Variants in NELL1 observed in about 807,000 individuals in gnomAD.
NELL1 encodes protein kinase C-binding protein NELL1.
In NELL1, 76 loss-of-function variants were observed where a neutral mutation model predicts 107.4. That is an observed-to-expected ratio of 0.71 (90% CI 0.59 to 0.86). The LOEUF (loss-of-function observed/expected upper bound fraction) is 0.86, where lower values mean the gene tolerates loss of function less well. Among genes scored for constraint, NELL1 ranks in the 40% least tolerant of loss-of-function variants. The pLI is 0.00. For synonymous variants in NELL1, 353 were observed against 341.2 expected, an observed-to-expected ratio of 1.03 and a Z score of -0.38; for missense variants, 1,024 against 1,005.5, an observed-to-expected ratio of 1.02 and a Z score of -0.25.
intron 15 of NELL1, among the ~76,000 whole-genome samples, chr11:21,414,927 A>G (rs1336595692): frequency 1.3e-5 from 2 of 152,104 alleles, no homozygotes; most frequent in East Asian, 1.9e-4. Context: ...TTTGTTCAAC[A>G]TTAGAATGAG....
intron 15 of NELL1, among the ~76,000 whole-genome samples, chr11:21,486,697 G>T (rs1854643009): frequency 6.6e-6 from 1 of 152,116 alleles, no homozygotes; most frequent in Admixed American, 6.5e-5. Flanking sequence ...TGAGACACAA[G>T]AGAATTCTGA....
intron 15 of NELL1, among the ~76,000 whole-genome samples, chr11:21,518,316 A>C (rs1855625701): frequency 6.6e-6 from 1 of 152,120 alleles, no homozygotes; most frequent in Admixed American, 6.5e-5. Flanking sequence ...TGACAGAAAT[A>C]TGGTGAAGCT....
At chr11:20,989,847 A>T (rs1851933028) in intron 12 of NELL1, among the ~76,000 whole-genome samples, 1 of 152,040 alleles carries the variant, frequency 6.6e-6, no homozygotes, top group Non-Finnish European at 1.5e-5. Context: ...TTAAAAGAAA[A>T]TTAGCTGGGC....
At chr11:21,075,229 T>G (rs1161317781) in intron 12 of NELL1, among the ~76,000 whole-genome samples, 1 of 152,188 alleles carries the variant, frequency 6.6e-6, no homozygotes, top group Non-Finnish European at 1.5e-5. Context: ...TTAGTACCTT[T>G]TAAATCTGCA....
chr11:21,150,333 AG>A (rs1226716375), intron 13 of NELL1, among the ~76,000 whole-genome samples: 3 of 152,302 alleles, frequency 2.0e-5, no homozygotes, highest in Middle Eastern at 6.8e-3. Flanking sequence ...ACAGACTGGC[AG>A]GGGGGCAGAG....
intron 15 of NELL1, among the ~76,000 whole-genome samples, chr11:21,513,447 C>T (rs1855487974): frequency 6.6e-6 from 1 of 151,942 alleles, no homozygotes; most frequent in South Asian, 2.1e-4. Context: ...AATACTTTTG[C>T]CAGACTATAA....
intron 16 of NELL1, among the ~76,000 whole-genome samples, chr11:21,541,042 C>T (rs188454121): frequency 1.7e-4 from 26 of 152,064 alleles, no homozygotes; most frequent in East Asian, 3.9e-4. Context: ...TTCTTAATTA[C>T]GTCTTTATCA....
At chr11:20,783,586 C>G in intron 2 of NELL1, 94 bp from the exon 3 acceptor site, 2 of 795,448 alleles carry the variant, frequency 2.5e-6, no homozygotes, top group Non-Finnish European at 3.8e-6. Context: ...TCCTTCTCAT[C>G]TCCCCTCTCC....
intron 12 of NELL1, among the ~76,000 whole-genome samples, chr11:21,106,628 G>T (rs186137471): frequency 2.3e-4 from 35 of 152,280 alleles, no homozygotes; most frequent in African/African-American, 7.9e-4. Flanking sequence ...AAAAGAAAGA[G>T]AGAGAGAGAG....
chr11:21,504,798 G>A (rs1007194468), intron 15 of NELL1, among the ~76,000 whole-genome samples: 1 of 152,038 alleles, frequency 6.6e-6, no homozygotes, highest in South Asian at 2.1e-4. Context: ...TTTCAGTCTT[G>A]TCTCTTCCCC....
intron 5 of NELL1, among the ~76,000 whole-genome samples, chr11:20,899,252 C>T (rs1849820058): frequency 6.6e-6 from 1 of 152,020 alleles, no homozygotes; most frequent in South Asian, 2.1e-4. Context: ...AAAAGGAAAT[C>T]TCCACAAATT....
intron 14 of NELL1, among the ~76,000 whole-genome samples, chr11:21,280,067 T>G (rs946802166): frequency 2.9e-4 from 44 of 152,234 alleles, no homozygotes; most frequent in African/African-American, 9.1e-4. Context: ...AAGGGAGAGA[T>G]AAAAGGTGCT....
intron 14 of NELL1, among the ~76,000 whole-genome samples, chr11:21,330,161 A>G (rs917777273): frequency 1.3e-5 from 2 of 152,102 alleles, no homozygotes; most frequent in African/African-American, 4.8e-5. Flanking sequence ...ATATTTACAT[A>G]TGTTGTTAAG....
At chr11:21,128,060 A>G (rs1276346374) in intron 13 of NELL1, among the ~76,000 whole-genome samples, 4 of 152,146 alleles carry the variant, frequency 2.6e-5, no homozygotes, top group African/African-American at 7.2e-5. Flanking sequence ...CAACACAGGG[A>G]CTATGCATGC....
At chr11:20,694,519 G>C (rs973503450) in intron 2 of NELL1, among the ~76,000 whole-genome samples, 1 of 152,048 alleles carries the variant, frequency 6.6e-6, no homozygotes, top group African/African-American at 2.4e-5. Context: ...TTATTGAATA[G>C]GGGGTCCTTT....
chr11:21,339,507 C>T (rs1469549347), intron 14 of NELL1, among the ~76,000 whole-genome samples: 1 of 152,206 alleles, frequency 6.6e-6, no homozygotes, highest in East Asian at 1.9e-4. Context: ...CAAATACACT[C>T]ACTATAGCTA....
chr11:20,892,593 A>G (rs1038681541), intron 5 of NELL1, among the ~76,000 whole-genome samples: 4 of 152,236 alleles, frequency 2.6e-5, no homozygotes, highest in African/African-American at 9.6e-5. Flanking sequence ...GTGTATACAC[A>G]AAGGAATATA....
At chr11:21,269,895 G>T (rs1848707109) in intron 14 of NELL1, among the ~76,000 whole-genome samples, 1 of 152,060 alleles carries the variant, frequency 6.6e-6, no homozygotes, top group Non-Finnish European at 1.5e-5. Context: ...TGACAGCAAT[G>T]ATACAGTGAT....
chr11:20,901,707 T>A (rs1218488192), intron 5 of NELL1, among the ~76,000 whole-genome samples: 1 of 151,892 alleles, frequency 6.6e-6, no homozygotes, highest in Non-Finnish European at 1.5e-5. Flanking sequence ...TGTAAAGTTA[T>A]AGCAATCAGC....
Sources: gnomAD v4.1 joint callset for allele counts (sites outside exome capture counted in the v4.1 genomes callset) on GRCh38, gnomAD v4.1.1 for gene constraint, MANE v1.5 for transcripts, NCBI Gene and HGNC (gene_info 2026-07-23, HGNC 2026-07-21) for gene names.